USH1C: variants seen among roughly 807,000 people sequenced by gnomAD.
USH1C encodes the protein USH1 protein network component harmonin.
USH1C carries 90 observed loss-of-function variants against 119.3 expected under a neutral mutation model. The ratio of observed to expected loss-of-function variants is 0.75; its 90% CI spans 0.64 to 0.90. The LOEUF (loss-of-function observed/expected upper bound fraction) is 0.90, where lower values mean the gene tolerates loss of function less well. Among genes scored for constraint, USH1C ranks in the 40% least tolerant of loss-of-function variants. The probability of loss-of-function intolerance (pLI) is 0.00; values close to 1 mark genes in which losing one functional copy is unlikely to be tolerated. For synonymous variants in USH1C, 465 were observed against 443.3 expected (o/e 1.05, Z -0.62); for missense variants, 1,165 against 1,167.7 (o/e 1.00, Z 0.03).
chr11:17,496,920 T>A, intron 24 of USH1C, 107 bp from the exon 25 acceptor site: 1 of 1,360,458 alleles, frequency 7.4e-7, no homozygotes, highest in Admixed American at 1.9e-5. Flanking sequence ...TCAGCCAGGC[T>A]GCACCTTCTT....
intron 20 of USH1C, among the ~76,000 whole-genome samples, chr11:17,502,246 C>T (rs1849475596): frequency 1.3e-5 from 2 of 152,224 alleles, no homozygotes; most frequent in South Asian, 4.1e-4. Flanking sequence ...TCAGGGGCTG[C>T]AGGGGCACCA....
At chr11:17,521,603 C>G (rs1290381833) in intron 12 of USH1C, among the ~76,000 whole-genome samples, 192 bp from the exon 13 acceptor site, 1 of 152,182 alleles carries the variant, frequency 6.6e-6, no homozygotes, top group East Asian at 1.9e-4. Flanking sequence ...GTGGTTTTGT[C>G]TGGCATGGCT....
At chr11:17,539,908 C>T (rs935582036) in intron 1 of USH1C, among the ~76,000 whole-genome samples, 3 of 150,154 alleles carry the variant, frequency 2.0e-5, no homozygotes, top group African/African-American at 7.4e-5. Flanking sequence ...CCACAGCTCA[C>T]TGCAGCCTCA....
intron 9 of USH1C, among the ~76,000 whole-genome samples, chr11:17,524,222 C>T (rs1473731510): frequency 3.3e-5 from 5 of 152,172 alleles, no homozygotes; most frequent in Non-Finnish European, 7.3e-5. Context: ...ATTACCATTA[C>T]GACATTCCCA....
intron 26 of USH1C, 45 bp from the exon 27 acceptor site, chr11:17,494,421 G>A (rs763598645): frequency 3.2e-6 from 5 of 1,569,806 alleles, no homozygotes; most frequent in Non-Finnish European, 4.3e-6. Context: ...GGCTTTGTGG[G>A]TGCACACTCA....
At position 17,517,452 on chromosome 11, in the gene USH1C, CTCAGGTTCCACTCCCTGATCATCTA is replaced by C. The variant is rs1246699436; in HGVS notation, c.1211-1187_1211-1163del. 4 of 1,595,258 alleles carry C rather than the reference CTCAGGTTCCACTCCCTGATCATCTA, an allele frequency of 2.5e-6. No homozygotes were observed. The highest frequency in any genetic ancestry group is 3.4e-6 in the Non-Finnish European group (4 of 1,170,276). ...CATCCAGGTCATCTGCGGGCTCGAG[CTCAGGTTCCACTCCCTGATCATCTA>C]CCCAGGGAAAAGAGGAGGAAGCTGG... is the stretch of plus-strand genomic sequence containing the variant. On this transcript the variant is annotated intron_variant, in intron 14 of 26. Transcript: ENST00000005226.
In USH1C at chr11:17,497,020, G is replaced by T. The variant is rs1027347061; in HGVS notation, c.2491-207C>A. 4 of 560,522 alleles carry T rather than the reference G, an allele frequency of 7.1e-6. No individual in the cohort carries two copies. The East Asian group carries it at 1.2e-4, about 17-fold the overall frequency. The allele number at this position is 560,522 out of a possible 1,614,324, so 34.7% of individuals were successfully genotyped here. On this transcript the variant is annotated intron_variant, in intron 24 of 26. Coordinates refer to ENST00000005226, the MANE Select transcript of USH1C (RefSeq NM_153676.4). ...CTTCGGGACCATAGAGGACAGGGCT[G>T]CAAGGCCCTTGAATGACACTCAGCT... is the stretch of plus-strand genomic sequence containing the variant.
intron 4 of USH1C, among the ~76,000 whole-genome samples, chr11:17,529,584 C>G (rs1850866491): frequency 1.3e-5 from 2 of 152,236 alleles, no homozygotes; most frequent in African/African-American, 4.8e-5. Context: ...GAGTAAAGTT[C>G]CCTGTCTTAT....
chr11:17,499,752 G>A (rs949038828), intron 23 of USH1C, among the ~76,000 whole-genome samples: 1 of 152,234 alleles, frequency 6.6e-6, no homozygotes, highest in Non-Finnish European at 1.5e-5. Context: ...TGTATCCAGG[G>A]CTCCCAATGC....
chr11:17,524,551 A>G lies in USH1C; in HGVS notation c.675-16T>C. The G allele has an allele frequency of 5.8e-6, 9 of 1,553,986 alleles. No individual in the cohort carries two copies. Among genetic ancestry groups the G allele is most frequent in the Non-Finnish European group, 7.8e-6 (9 of 1,148,050 alleles). On this transcript the variant is annotated splice_polypyrimidine_tract_variant and intron_variant, in intron 8 of 26. Transcript: ENST00000005226. The stretch of plus-strand genomic sequence containing the variant: ...GCTGGAAATGCTGCGGGAGGTGGGA[A>G]ATGTGTGCTCGGGATTCAGGTAACC...
chr11:17,495,389 G>T lies in USH1C; in HGVS notation c.2655+180C>A, dbSNP rs12284437. ...GCTTTGCACCACTTCCCTGAGGGGA[G>T]GGCTTTGAGTCTGAGGAATTCCACT... is the stretch of plus-strand genomic sequence containing the variant. On this transcript the variant is annotated intron_variant, in intron 26 of 26. Coordinates refer to ENST00000005226, the MANE Select transcript of USH1C (RefSeq NM_153676.4). Among the ~76,000 whole-genome samples, 3,484 of 152,314 alleles carry T rather than the reference G, an allele frequency of 0.023. 115 individuals carry two copies. Among genetic ancestry groups the T allele is most frequent in the African/African-American group, 0.075 (3,126 of 41,562 alleles).
At chr11:17,508,072 G>T (rs1296988547) in intron 18 of USH1C, among the ~76,000 whole-genome samples, 7 of 152,196 alleles carry the variant, frequency 4.6e-5, no homozygotes. Context: ...CCCCAGGCAG[G>T]TACTCAATCA....
chr11:17,522,688 A>T, intron 12 of USH1C, 96 bp downstream of exon 12: 1 of 1,573,722 alleles, frequency 6.4e-7, no homozygotes, highest in Non-Finnish European at 8.7e-7. Context: ...AGGAGGAGGA[A>T]GTTGGCTGGG....
At chr11:17,497,646 C>A (rs1286936099) in intron 24 of USH1C, among the ~76,000 whole-genome samples, 1 of 152,218 alleles carries the variant, frequency 6.6e-6, no homozygotes, top group African/African-American at 2.4e-5. Flanking sequence ...GTGCATTGCA[C>A]ACCATGAGCA....
chr11:17,533,360 A>AGC (rs760022558), intron 1 of USH1C, 38 bp from the exon 2 acceptor site: 2 of 1,400,966 alleles, frequency 1.4e-6, no homozygotes, highest in South Asian at 2.3e-5. Context: ...CTCCAGGCTC[A>AGC]GCACCCGCCC....
rs1418048889 is a variant in USH1C, at chr11:17,531,208, C to T, written c.333G>A (p.Gly111=). The change falls in exon 4 of 27, where the codon GGG becomes GGA. Residue 111 remains glycine, a synonymous_variant. Coordinates refer to ENST00000005226, the MANE Select transcript of USH1C (RefSeq NM_153676.4). This position sits in a 1 kb window ranked among gnomAD's most constrained non-coding sequence, Gnocchi z 4.2. ...SVRGGLEFGC[G]LFISHLIKGG... is the part of the protein sequence containing the mutation. Reference sequence around the variant, plus strand: ...CTTTGATGAGGTGGGAGATGAAGAGCCCACAGCCAAACTCCAGGCCACCAC... The same window carrying T: ...CTTTGATGAGGTGGGAGATGAAGAGTCCACAGCCAAACTCCAGGCCACCAC... The T allele has an allele frequency of 1.2e-6, 2 of 1,613,966 alleles. No individual in the cohort carries two copies. The highest frequency in any genetic ancestry group is 8.5e-7 in the Non-Finnish European group (1 of 1,179,984).
chr11:17,499,166 C>T (rs1251187555), intron 23 of USH1C, among the ~76,000 whole-genome samples: 2 of 152,190 alleles, frequency 1.3e-5, no homozygotes, highest in African/African-American at 2.4e-5. Flanking sequence ...GACATCAGAG[C>T]CCTTTTTGGA....
At chr11:17,522,053 G>A (rs1850437898) in intron 12 of USH1C, among the ~76,000 whole-genome samples, 1 of 152,148 alleles carries the variant, frequency 6.6e-6, no homozygotes, top group Non-Finnish European at 1.5e-5. Context: ...GGCTGGTCTC[G>A]AACTCCTGAC....
At position 17,522,847 on chromosome 11, in the gene USH1C, A is replaced by G; in HGVS notation, c.956T>C (p.Met319Thr). ...QRELQRQELL[M>T]QKRLAMESNK... is the part of the protein sequence containing the mutation. ...GGACTCCATCGCCAGCCGCTTCTGC[A>G]TGAGAAGCTCCTGCCGCTGCAGCTC... The change falls in exon 12 of 27, where the codon ATG becomes ACG. Residue 319 changes from methionine (M) to threonine (T), a missense_variant. Coordinates refer to ENST00000005226, the MANE Select transcript of USH1C (RefSeq NM_153676.4). The G allele has an allele frequency of 2.5e-6, 4 of 1,613,386 alleles. No homozygotes were observed. Among genetic ancestry groups the G allele is most frequent in the Non-Finnish European group, 3.4e-6 (4 of 1,179,854 alleles).
Sources: allele counts gnomAD v4.1 joint callset (sites outside exome capture counted in the v4.1 genomes callset), GRCh38; gene constraint gnomAD v4.1.1; non-coding constraint Gnocchi (gnomAD v3.1); transcripts MANE v1.5; gene names NCBI Gene and HGNC (gene_info 2026-07-23, HGNC 2026-07-21).